The following EPB41L1 variants were observed in gnomAD, a reference collection of about 807,000 sequenced individuals.
EPB41L1 encodes erythrocyte membrane protein band 4.1 like 1, also known as band 4.1-like protein 1.
A neutral mutation model predicts 97.8 loss-of-function variants in EPB41L1; 29 were observed. The observed-to-expected ratio is 0.30, with a 90% CI of 0.22 to 0.40. The LOEUF is 0.40. Ranked by LOEUF, EPB41L1 falls within the 10% of genes least tolerant of loss-of-function variation. EPB41L1 has a pLI of 1.00. For missense variants in EPB41L1, 812 were observed against 1,162.3 expected, an observed-to-expected ratio of 0.70 and a Z score of 4.38; for synonymous variants, 383 against 459.2, an observed-to-expected ratio of 0.83 and a Z score of 2.12.
At chr20:36,170,776 T>C (rs1261650562) in intron 1 of EPB41L1, among the ~76,000 whole-genome samples, 2 of 152,170 alleles carry the variant, frequency 1.3e-5, no homozygotes, top group African/African-American at 4.8e-5. Context: ...GTCAGTCGTC[T>C]TTTTTGCTCA....
chr20:36,152,072 A>G (rs2060077363), upstream of EPB41L1: 1 of 151,908 alleles, frequency 6.6e-6, no homozygotes, highest in Non-Finnish European at 1.5e-5. Flanking sequence ...GCGCCACTGC[A>G]CTCCAGCCTG....
chr20:36,100,470 CTT>C (rs750122103), intron 1 of EPB41L1, among the ~76,000 whole-genome samples: 11 of 152,182 alleles, frequency 7.2e-5, no homozygotes, highest in Non-Finnish European at 1.2e-4. Context: ...ACTCTGGTGA[CTT>C]ATAATCAACT....
chr20:36,199,895 AG>A (rs1214718679), intron 14 of EPB41L1, among the ~76,000 whole-genome samples: 1 of 152,170 alleles, frequency 6.6e-6, no homozygotes, highest in African/African-American at 2.4e-5. Context: ...GTCTCAGTGT[AG>A]CCTGGTGTAG....
At chr20:36,178,761 G>T (rs2061355317) in intron 5 of EPB41L1, 89 bp downstream of exon 5, 2 of 1,411,632 alleles carry the variant, frequency 1.4e-6, no homozygotes, top group Non-Finnish European at 2.0e-6. Flanking sequence ...TCCTCCTTTG[G>T]AAAGTGCATT....
chr20:36,180,336 C>G (rs1399425171), intron 5 of EPB41L1, among the ~76,000 whole-genome samples: 1 of 152,160 alleles, frequency 6.6e-6, no homozygotes, highest in Non-Finnish European at 1.5e-5. Flanking sequence ...TTGGGTGTAT[C>G]TCCTCCCAAA....
At chr20:36,174,243 G>A (rs1053404435) in intron 2 of EPB41L1, among the ~76,000 whole-genome samples, 11 of 151,068 alleles carry the variant, frequency 7.3e-5, no homozygotes, top group Non-Finnish European at 1.2e-4. Context: ...GTGCACCACC[G>A]CACCTGGCTA....
intron 1 of EPB41L1, among the ~76,000 whole-genome samples, chr20:36,156,091 T>G (rs570818606): frequency 1.6e-4 from 25 of 152,270 alleles, no homozygotes; most frequent in Non-Finnish European, 2.8e-4. Flanking sequence ...AGATGGAGCC[T>G]GCGGCAGAGG....
intron 1 of EPB41L1, among the ~76,000 whole-genome samples, chr20:36,165,519 T>G (rs2060704612): frequency 1.3e-5 from 2 of 152,030 alleles, no homozygotes; most frequent in Admixed American, 6.5e-5. Context: ...GCCAACATGG[T>G]GAAACCCTGT....
upstream of EPB41L1, among the ~76,000 whole-genome samples, chr20:36,154,230 G>A (rs2060174775): frequency 6.6e-6 from 1 of 152,130 alleles, no homozygotes; most frequent in African/African-American, 2.4e-5. This position sits in a 1 kb window ranked among gnomAD's most constrained non-coding sequence, Gnocchi z 5.5. Flanking sequence ...GGGTGGTGAG[G>A]GGATCCGGCT....
At chr20:36,199,461 T>C (rs182674646) in intron 14 of EPB41L1, among the ~76,000 whole-genome samples, 1 of 152,196 alleles carries the variant, frequency 6.6e-6, no homozygotes. Flanking sequence ...GCAGAGCATT[T>C]TATTGGATCA....
In EPB41L1 at chr20:36,187,696, C is replaced by G. The variant is rs1266451421; in HGVS notation, c.806C>G (p.Ala269Gly). 5 of 1,613,946 alleles carry G rather than the reference C, an allele frequency of 3.1e-6. No homozygotes were observed. In the African/African-American group the frequency reaches 4.0e-5, roughly 13 times the overall value. The change falls in exon 8 of 22, where the codon GCA becomes GGA. Residue 269 changes from alanine to glycine, a missense_variant. This residue lies in a region of EPB41L1 where 230 missense variants were observed against 445.2 expected (regional missense o/e 0.52). Coordinates refer to ENST00000338074, the MANE Select transcript of EPB41L1 (RefSeq NM_012156.2). ...KTYRGMTPGE[A>G]EIHFLENAKK... ...CTCAGGGGGATGACCCCGGGAGAAG[C>G]AGAAATCCACTTCTTAGAGAATGCC...
chr20:36,136,671 G>C (rs2059429100), intron 2 of EPB41L1, among the ~76,000 whole-genome samples: 1 of 149,374 alleles, frequency 6.7e-6, no homozygotes, highest in South Asian at 2.1e-4. Context: ...CTCCATCCTT[G>C]AACTCCTGAA....
chr20:36,199,207 C>T (rs949682353), intron 14 of EPB41L1, among the ~76,000 whole-genome samples: 9 of 151,920 alleles, frequency 5.9e-5, no homozygotes, highest in African/African-American at 9.7e-5. Context: ...GGAACCTGCT[C>T]AGAACCTTCA....
chr20:36,102,558 G>T (rs1402575005), intron 1 of EPB41L1, among the ~76,000 whole-genome samples: 1 of 152,170 alleles, frequency 6.6e-6, no homozygotes, highest in African/African-American at 2.4e-5. Flanking sequence ...GGTTGGACAG[G>T]ATAATCCCAA....
At chr20:36,221,578 G>C (rs2063781717) in intron 19 of EPB41L1, among the ~76,000 whole-genome samples, 1 of 152,210 alleles carries the variant, frequency 6.6e-6, no homozygotes, top group African/African-American at 2.4e-5. Flanking sequence ...GCAGTACCAA[G>C]GCAGGAAGAC....
chr20:36,215,482 G>A (rs2063388370), intron 17 of EPB41L1, among the ~76,000 whole-genome samples: 1 of 152,172 alleles, frequency 6.6e-6, no homozygotes, highest in African/African-American at 2.4e-5. Flanking sequence ...CATACACATA[G>A]GAAGGTAATT....
intron 2 of EPB41L1, among the ~76,000 whole-genome samples, chr20:36,121,474 T>C (rs1427296202): frequency 6.6e-6 from 1 of 152,200 alleles, no homozygotes; most frequent in Non-Finnish European, 1.5e-5. Flanking sequence ...GTGGCCATGC[T>C]GGGTGACCTT....
At chr20:36,099,628 G>A (rs1054080937) in intron 1 of EPB41L1, among the ~76,000 whole-genome samples, 8 of 152,166 alleles carry the variant, frequency 5.3e-5, no homozygotes, top group African/African-American at 1.4e-4. Context: ...GGCATCCCAT[G>A]AAGTGTCGCC....
At chr20:36,173,562 G>A (rs1600732374) in intron 1 of EPB41L1, among the ~76,000 whole-genome samples, 1 of 152,280 alleles carries the variant, frequency 6.6e-6, no homozygotes, top group East Asian at 1.9e-4. Flanking sequence ...AGGGGTGCCT[G>A]TGACTTCAGC....
Sources: allele counts gnomAD v4.1 joint callset (sites outside exome capture counted in the v4.1 genomes callset), GRCh38; gene constraint gnomAD v4.1.1; regional missense constraint gnomAD v4.1.1; non-coding constraint Gnocchi (gnomAD v3.1); transcripts MANE v1.5; gene names NCBI Gene and HGNC (gene_info 2026-07-23, HGNC 2026-07-21).